Variants in MTRF1 observed in about 807,000 individuals in gnomAD.
The protein encoded by MTRF1 is peptide chain release factor 1, mitochondrial.
In MTRF1, 51 loss-of-function variants were observed where a neutral mutation model predicts 62.9. That is an observed-to-expected ratio of 0.81 (90% confidence interval 0.65 to 1.02). The LOEUF (loss-of-function observed/expected upper bound fraction) is 1.02. Among genes scored for constraint, MTRF1 ranks in the 50% least tolerant of loss-of-function variants. The pLI is 0.00. For missense variants in MTRF1, 446 were observed against 530.0 expected, an observed-to-expected ratio of 0.84 and a Z score of 1.56; for synonymous variants, 158 against 181.9, an observed-to-expected ratio of 0.87 and a Z score of 1.06.
chr13:41,291,806 C>A, the MTRF1 span, among the ~76,000 whole-genome samples: 2 of 152,180 alleles, frequency 1.3e-5, no homozygotes, highest in South Asian at 4.1e-4. Context: ...TGATAAATGC[C>A]ACTTATGATT....
At chr13:41,286,085 C>CAA in the MTRF1 span, among the ~76,000 whole-genome samples, 21 of 41,704 alleles carry the variant, frequency 5.0e-4, no homozygotes, top group African/African-American at 1.0e-3. Flanking sequence ...ACAACAACAA[C>CAA]AACAAAAAAA....
intron 5 of MTRF1, among the ~76,000 whole-genome samples, chr13:41,241,443 A>G (rs1013704539): frequency 1.3e-5 from 2 of 152,200 alleles, no homozygotes; most frequent in Non-Finnish European, 2.9e-5. Flanking sequence ...TTTAGAGTCC[A>G]CCACTCAGGT....
intron 5 of MTRF1, among the ~76,000 whole-genome samples, chr13:41,247,819 C>A (rs926950319): frequency 9.9e-5 from 15 of 152,114 alleles, no homozygotes; most frequent in South Asian, 2.1e-4. Context: ...GGGGAAAAAA[C>A]CACAAAATAA....
At chr13:41,280,621 T>C in the MTRF1 span, among the ~76,000 whole-genome samples, 1 of 152,278 alleles carries the variant, frequency 6.6e-6, no homozygotes, top group East Asian at 1.9e-4. Context: ...TATTGATTGA[T>C]GTCTTATGTC....
At chr13:41,259,956 T>C (rs1486211042) in intron 2 of MTRF1, among the ~76,000 whole-genome samples, 1 of 152,168 alleles carries the variant, frequency 6.6e-6, no homozygotes, top group African/African-American at 2.4e-5. Flanking sequence ...GTAGCCCTAG[T>C]ATGTAGGTAC....
At chr13:41,262,849 T>C (rs750878669) in intron 1 of MTRF1, among the ~76,000 whole-genome samples, 2 of 152,214 alleles carry the variant, frequency 1.3e-5, no homozygotes, top group Non-Finnish European at 2.9e-5. Context: ...CCAGTGATCC[T>C]ACTATGCTAG....
At chr13:41,233,752 G>A (rs2035995817) in intron 7 of MTRF1, 138 bp downstream of exon 7, 1 of 693,320 alleles carries the variant, frequency 1.4e-6, no homozygotes, top group Non-Finnish European at 2.5e-6. Flanking sequence ...GAACACAATA[G>A]CCATCCTGAT....
At chr13:41,228,037 C>A (rs1317082400) in intron 7 of MTRF1, among the ~76,000 whole-genome samples, 1 of 152,220 alleles carries the variant, frequency 6.6e-6, no homozygotes, top group Non-Finnish European at 1.5e-5. Context: ...AGCTCTCCTC[C>A]ACATTCCTCT....
At chr13:41,267,499 G>A (rs1882750406), upstream of MTRF1, among the ~76,000 whole-genome samples, 1 of 152,146 alleles carries the variant, frequency 6.6e-6, no homozygotes, top group Admixed American at 6.5e-5. Flanking sequence ...TCATTGATTA[G>A]CTAGAACCTC....
chr13:41,240,249 T>C lies in MTRF1; in HGVS notation c.870+12A>G, dbSNP rs2037305113. The C allele has an allele frequency of 6.2e-7, 1 of 1,601,302 alleles. No individual in the cohort carries two copies. The highest frequency in any genetic ancestry group is 8.5e-7 in the Non-Finnish European group (1 of 1,172,484). ...CATGGAGTGAGTTTCCCTTGCCTCC[T>C]CCTGAGGTTACCTCATCTGGCTGAG... On this transcript the variant is annotated intron_variant, in intron 6 of 9. Coordinates refer to ENST00000379480, the MANE Select transcript of MTRF1 (RefSeq NM_004294.4).
the MTRF1 span, among the ~76,000 whole-genome samples, chr13:41,302,517 G>T: frequency 6.6e-6 from 1 of 151,616 alleles, no homozygotes; most frequent in Non-Finnish European, 1.5e-5. Context: ...AAACACACTA[G>T]ATCTGGATTT....
At chr13:41,308,060 C>T in the MTRF1 span, among the ~76,000 whole-genome samples, 28,048 of 151,864 alleles carry the variant, frequency 0.18, 4,094 homozygotes, top group African/African-American at 0.41. Flanking sequence ...GGCAGTGGGT[C>T]GGAGGCTGCA....
intron 8 of MTRF1, among the ~76,000 whole-genome samples, chr13:41,224,876 T>C (rs1186490101): frequency 2.0e-5 from 3 of 152,172 alleles, no homozygotes; most frequent in Non-Finnish European, 4.4e-5. Context: ...AGAAGACACA[T>C]GAACAATTTG....
intron 6 of MTRF1, 37 bp downstream of exon 6, chr13:41,240,224 C>T (rs1044572545): frequency 3.2e-6 from 5 of 1,556,028 alleles, no homozygotes; most frequent in Admixed American, 1.9e-5. Flanking sequence ...TACCCGTTGA[C>T]ATGGAGTGAG....
chr13:41,231,880 A>C (rs1176512923), intron 7 of MTRF1, among the ~76,000 whole-genome samples: 1 of 14,932 alleles, frequency 6.7e-5, no homozygotes, highest in Non-Finnish European at 1.6e-4. Flanking sequence ...GTGTCTACCA[A>C]AAAAAAAAAA....
At chr13:41,279,664 A>G in the MTRF1 span, among the ~76,000 whole-genome samples, 1 of 152,278 alleles carries the variant, frequency 6.6e-6, no homozygotes, top group Admixed American at 6.5e-5. Flanking sequence ...CTGGCATAAT[A>G]TTATGAGACA....
At chr13:41,248,315 T>C (rs533936438) in intron 5 of MTRF1, among the ~76,000 whole-genome samples, 248 of 152,292 alleles carry the variant, frequency 1.6e-3, no homozygotes, top group African/African-American at 5.6e-3. Context: ...AGAAACGGGG[T>C]TTTGCCATGT....
chr13:41,290,143 C>T, the MTRF1 span, among the ~76,000 whole-genome samples: 7 of 130,376 alleles, frequency 5.4e-5, no homozygotes, highest in Admixed American at 1.9e-4. Context: ...GTCTCCCAGG[C>T]TGGAGTGCAG....
intron 9 of MTRF1, among the ~76,000 whole-genome samples, chr13:41,218,278 CTAATTTTTTTTTTTT>C (rs1214787378): frequency 4.5e-5 from 6 of 134,190 alleles, no homozygotes; most frequent in Non-Finnish European, 9.5e-5. Flanking sequence ...ACACACCCAG[CTAATTTTTTTTTTTT>C]TTTTTTTTTT....
Sources: allele counts gnomAD v4.1 joint callset (sites outside exome capture counted in the v4.1 genomes callset), GRCh38; gene constraint gnomAD v4.1.1; transcripts MANE v1.5; gene names NCBI Gene and HGNC (gene_info 2026-07-23, HGNC 2026-07-21).